Variants in DSCAM observed in about 807,000 individuals in gnomAD.
The protein encoded by DSCAM is cell adhesion molecule DSCAM.
In DSCAM, 47 loss-of-function variants were observed where a neutral mutation model predicts 217.7. The observed-to-expected ratio is 0.22, with a 90% confidence interval of 0.17 to 0.28. The LOEUF is 0.28. Among genes scored for constraint, DSCAM ranks in the 10% least tolerant of loss-of-function variants. DSCAM has a pLI of 1.00. For synonymous variants in DSCAM, 1,056 were observed against 1,015.3 expected, an observed-to-expected ratio of 1.04 and a Z score of -0.76; for missense variants, 2,080 against 2,618.3, an observed-to-expected ratio of 0.79 and a Z score of 4.49.
intron 3 of DSCAM, among the ~76,000 whole-genome samples, chr21:40,405,988 C>A (rs1211203740): frequency 9.9e-5 from 15 of 152,186 alleles, no homozygotes; most frequent in Non-Finnish European, 2.9e-5. Flanking sequence ...CAGAGTGAGA[C>A]TCTGTCTCAA....
intron 3 of DSCAM, among the ~76,000 whole-genome samples, chr21:40,628,658 A>G (rs2089636694): frequency 6.6e-6 from 1 of 152,210 alleles, no homozygotes; most frequent in African/African-American, 2.4e-5. Context: ...TAATAGATGA[A>G]AAACATTTAG....
chr21:40,072,792 C>T (rs2089315155), intron 27 of DSCAM, among the ~76,000 whole-genome samples: 1 of 152,200 alleles, frequency 6.6e-6, no homozygotes, highest in South Asian at 2.1e-4. Context: ...CTCTTTCCCT[C>T]AGCACTTACT....
chr21:40,638,058 T>C (rs75423312), intron 3 of DSCAM, among the ~76,000 whole-genome samples: 2,816 of 152,230 alleles, frequency 0.018, 100 homozygotes, highest in African/African-American at 0.065. Context: ...AAAGTAGCTA[T>C]AGTTCTATGA....
chr21:40,400,268 C>T, intron 3 of DSCAM, among the ~76,000 whole-genome samples: 1 of 152,088 alleles, frequency 6.6e-6, no homozygotes, highest in South Asian at 2.1e-4. Flanking sequence ...ATAGTAACCC[C>T]ATTACATTAT....
intron 3 of DSCAM, among the ~76,000 whole-genome samples, chr21:40,518,481 T>A (rs1409537578): frequency 3.4e-4 from 2 of 5,810 alleles, no homozygotes; most frequent in African/African-American, 2.4e-3. Context: ...AATATATATT[T>A]TATATATATA....
chr21:40,539,738 T>C (rs1351681238), intron 3 of DSCAM, among the ~76,000 whole-genome samples: 1 of 152,030 alleles, frequency 6.6e-6, no homozygotes, highest in Non-Finnish European at 1.5e-5. Context: ...TGTTATTAAT[T>C]GAAAAAAAGA....
intron 1 of DSCAM, among the ~76,000 whole-genome samples, chr21:40,821,338 A>G (rs2091925142): frequency 6.6e-6 from 1 of 151,788 alleles, no homozygotes; most frequent in Admixed American, 6.6e-5. Flanking sequence ...CCTCCTTCAG[A>G]TCCATTCAGT....
chr21:40,125,112 A>G (rs2090080191), intron 19 of DSCAM, among the ~76,000 whole-genome samples: 1 of 152,198 alleles, frequency 6.6e-6, no homozygotes, highest in African/African-American at 2.4e-5. Context: ...CAGGAGAGGT[A>G]TGGAAATATT....
At chr21:40,777,622 A>C (rs1446622225) in intron 1 of DSCAM, among the ~76,000 whole-genome samples, 1 of 152,218 alleles carries the variant, frequency 6.6e-6, no homozygotes, top group Non-Finnish European at 1.5e-5. Flanking sequence ...CAAAAATAGA[A>C]TTGTGATGAA....
At chr21:40,454,358 T>C (rs754615827) in intron 3 of DSCAM, among the ~76,000 whole-genome samples, 18 of 152,170 alleles carry the variant, frequency 1.2e-4, no homozygotes, top group African/African-American at 1.7e-4. Flanking sequence ...AATGCCCAAA[T>C]TGAAGGATTG....
At chr21:40,396,657 T>C (rs1398795220) in intron 3 of DSCAM, among the ~76,000 whole-genome samples, 2 of 151,356 alleles carry the variant, frequency 1.3e-5, no homozygotes, top group East Asian at 3.9e-4. Flanking sequence ...CTACCGTTAT[T>C]ACCCCTACTA....
chr21:40,576,121 A>G (rs1354423662), intron 3 of DSCAM, among the ~76,000 whole-genome samples: 1 of 152,216 alleles, frequency 6.6e-6, no homozygotes, highest in African/African-American at 2.4e-5. Flanking sequence ...AAATCCTAAC[A>G]TATGTTCACA....
At chr21:40,279,967 T>C (rs953668926) in intron 10 of DSCAM, among the ~76,000 whole-genome samples, 4 of 150,640 alleles carry the variant, frequency 2.7e-5, no homozygotes, top group African/African-American at 9.8e-5. Flanking sequence ...TGTGAGGGGG[T>C]GGGGGCAAGG....
intron 11 of DSCAM, among the ~76,000 whole-genome samples, chr21:40,211,837 G>A (rs755542893): frequency 6.6e-6 from 1 of 152,254 alleles, no homozygotes; most frequent in Non-Finnish European, 1.5e-5. Flanking sequence ...TTGCCCTCTG[G>A]ATTGTAAACT....
At chr21:40,447,012 T>G (rs1489373078) in intron 3 of DSCAM, among the ~76,000 whole-genome samples, 1 of 152,166 alleles carries the variant, frequency 6.6e-6, no homozygotes, top group African/African-American at 2.4e-5. Context: ...GCCCTCCCGC[T>G]TGGTCACCTC....
chr21:40,804,243 G>A (rs974633478), intron 1 of DSCAM, among the ~76,000 whole-genome samples: 1 of 152,182 alleles, frequency 6.6e-6, no homozygotes, highest in Non-Finnish European at 1.5e-5. Context: ...AATCAGGGGA[G>A]CACAGAGTCC....
At chr21:40,463,691 A>T (rs1213471670) in intron 3 of DSCAM, among the ~76,000 whole-genome samples, 105 of 152,124 alleles carry the variant, frequency 6.9e-4, no homozygotes, top group Non-Finnish European at 4.0e-4. Context: ...GATTGGCACC[A>T]CCCATCCATG....
At chr21:40,279,396 A>G (rs2073730012) in intron 10 of DSCAM, among the ~76,000 whole-genome samples, 1 of 152,234 alleles carries the variant, frequency 6.6e-6, no homozygotes, top group African/African-American at 2.4e-5. Flanking sequence ...ACTTGTCATT[A>G]GAGAAATGCA....
intron 3 of DSCAM, among the ~76,000 whole-genome samples, chr21:40,489,478 C>T (rs1254260509): frequency 6.6e-6 from 1 of 152,076 alleles, no homozygotes; most frequent in Non-Finnish European, 1.5e-5. Context: ...TAAATATCTT[C>T]TATATATAAA....
Sources: gnomAD v4.1 joint callset for allele counts (sites outside exome capture counted in the v4.1 genomes callset) on GRCh38, gnomAD v4.1.1 for gene constraint, MANE v1.5 for transcripts, NCBI Gene and HGNC (gene_info 2026-07-23, HGNC 2026-07-21) for gene names.